SLC4A10: variants seen among roughly 807,000 people sequenced by gnomAD.
SLC4A10 encodes the protein sodium-driven chloride bicarbonate exchanger.
SLC4A10 carries 42 observed loss-of-function variants against 137.7 expected under a neutral mutation model. That is an observed-to-expected ratio of 0.30 (90% CI 0.24 to 0.39). The LOEUF is 0.39. Among genes scored for constraint, SLC4A10 ranks in the 10% least tolerant of loss-of-function variants. The pLI is 1.00. For missense variants in SLC4A10, 925 were observed against 1,355.0 expected (o/e 0.68, Z 4.98); for synonymous variants, 474 against 464.1 (o/e 1.02, Z -0.27).
intron 20 of SLC4A10, 27 bp from the exon 21 acceptor site, chr2:161,958,460 G>A: frequency 6.3e-7 from 1 of 1,579,418 alleles, no homozygotes; most frequent in South Asian, 1.1e-5. Context: ...AATGATTTCT[G>A]CCTTTTCTCC....
chr2:161,739,831 C>G (rs2047704550), intron 1 of SLC4A10, among the ~76,000 whole-genome samples: 1 of 152,198 alleles, frequency 6.6e-6, no homozygotes, highest in South Asian at 2.1e-4. Flanking sequence ...ATTTCATGGA[C>G]TCAGGTGGCC....
intron 5 of SLC4A10, among the ~76,000 whole-genome samples, chr2:161,857,929 C>T (rs2060196825): frequency 6.6e-6 from 1 of 152,092 alleles, no homozygotes; most frequent in African/African-American, 2.4e-5. Flanking sequence ...CCAGGCTGGT[C>T]TTGAACTCCT....
intron 1 of SLC4A10, among the ~76,000 whole-genome samples, chr2:161,740,893 A>G (rs2047811293): frequency 6.6e-6 from 1 of 152,202 alleles, no homozygotes; most frequent in Non-Finnish European, 1.5e-5. Flanking sequence ...ATGTTTTAAT[A>G]TACATAGTGA....
chr2:161,856,701 T>C (rs777085390), intron 5 of SLC4A10, among the ~76,000 whole-genome samples: 34 of 152,148 alleles, frequency 2.2e-4, no homozygotes, highest in Non-Finnish European at 4.0e-4. Context: ...TTTTATATTT[T>C]AATTAGGAAT....
At chr2:161,936,705 T>C (rs1484735496) in intron 15 of SLC4A10, among the ~76,000 whole-genome samples, 3 of 152,156 alleles carry the variant, frequency 2.0e-5, no homozygotes, top group African/African-American at 7.2e-5. Context: ...CATTTGTTGA[T>C]TTTGTTATTA....
chr2:161,706,104 T>C (rs1016116748), intron 1 of SLC4A10, among the ~76,000 whole-genome samples: 3 of 151,532 alleles, frequency 2.0e-5, no homozygotes, highest in African/African-American at 7.3e-5. Context: ...ATTTTTTGGA[T>C]TAAATAGATC....
chr2:161,782,590 T>C (rs2053165561), intron 2 of SLC4A10, among the ~76,000 whole-genome samples: 1 of 151,028 alleles, frequency 6.6e-6, no homozygotes. Context: ...AGATGCTCAC[T>C]GAGGATAAGA....
chr2:161,817,076 A>G (rs1037641102), intron 3 of SLC4A10, among the ~76,000 whole-genome samples: 2 of 152,180 alleles, frequency 1.3e-5, no homozygotes, highest in Non-Finnish European at 1.5e-5. Flanking sequence ...CAATGATTGA[A>G]CTAGTTTACA....
intron 1 of SLC4A10, among the ~76,000 whole-genome samples, chr2:161,639,613 A>G (rs1427838439): frequency 1.3e-5 from 2 of 152,162 alleles, no homozygotes; most frequent in African/African-American, 4.8e-5. Context: ...GTAGAGAAGG[A>G]ACATACCTTA....
In SLC4A10 at chr2:161,751,317, T is replaced by C. The variant is rs1559166938; in HGVS notation, c.49-19656T>C. On this transcript the variant is annotated intron_variant, in intron 1 of 26. Coordinates refer to ENST00000446997, the MANE Select transcript of SLC4A10 (RefSeq NM_001178015.2). ...TTCTGTTTGTCTTGAGGTTCTTTTG[T>C]CCCTTTCTTTTTTAACTGTCTTTGT... Among the ~76,000 whole-genome samples the C allele has an allele frequency of 5.9e-5, 9 of 151,306 alleles. No homozygotes were observed. The South Asian group carries it at 1.9e-3, about 31-fold the overall frequency.
intron 2 of SLC4A10, among the ~76,000 whole-genome samples, chr2:161,784,965 T>C (rs1034653400): frequency 2.0e-5 from 3 of 151,290 alleles, no homozygotes; most frequent in Admixed American, 2.0e-4. Context: ...TTGGGTTTTT[T>C]TTTAAAAGAT....
At chr2:161,690,966 AAAAAG>A (rs1559038867) in intron 1 of SLC4A10, among the ~76,000 whole-genome samples, 1 of 152,140 alleles carries the variant, frequency 6.6e-6, no homozygotes, top group African/African-American at 2.4e-5. Flanking sequence ...TTAAATTAAA[AAAAAG>A]AAATTTGAAA....
intron 1 of SLC4A10, among the ~76,000 whole-genome samples, chr2:161,657,707 T>C (rs1303083007): frequency 1.3e-5 from 2 of 152,030 alleles, no homozygotes; most frequent in Non-Finnish European, 2.9e-5. Context: ...ATTGTTAACA[T>C]AGGGAGAAAA....
intron 1 of SLC4A10, among the ~76,000 whole-genome samples, chr2:161,700,499 T>C (rs2043013736): frequency 1.3e-5 from 2 of 152,160 alleles, no homozygotes; most frequent in Admixed American, 1.3e-4. Context: ...TTATCGACTT[T>C]TTAAATGATC....
chr2:161,642,701 A>G (rs941691838), intron 1 of SLC4A10, among the ~76,000 whole-genome samples: 2 of 151,980 alleles, frequency 1.3e-5, no homozygotes, highest in African/African-American at 2.4e-5. Context: ...TAGGAATTCA[A>G]CTCATTTAGG....
intron 10 of SLC4A10, among the ~76,000 whole-genome samples, chr2:161,891,690 T>A (rs2062940327): frequency 1.3e-5 from 2 of 152,042 alleles, no homozygotes; most frequent in Non-Finnish European, 2.9e-5. Flanking sequence ...TAGTTAGCAA[T>A]TCCTCTAACC....
intron 23 of SLC4A10, among the ~76,000 whole-genome samples, chr2:161,970,332 C>T (rs1698310377): frequency 6.6e-6 from 1 of 152,050 alleles, no homozygotes; most frequent in South Asian, 2.1e-4. Context: ...TGTATTGGCT[C>T]TTCTATCCAT....
At chr2:161,776,850 T>A (rs2125449638) in intron 2 of SLC4A10, among the ~76,000 whole-genome samples, 1 of 143,454 alleles carries the variant, frequency 7.0e-6, no homozygotes, top group African/African-American at 2.7e-5. Flanking sequence ...CCAACACTTA[T>A]TTTCTGGTGT....
At position 161,901,000 on chromosome 2, in the gene SLC4A10, G is replaced by A. The variant is rs1182165860; in HGVS notation, c.1431G>A (p.Gln477=). The change falls in exon 12 of 27, where the codon CAG becomes CAA. Residue 477 remains glutamine, a synonymous_variant. Transcript: ENST00000446997. ...PHGGHSGPEL[Q]RTGRIFGGLI... ...GAGGACATAGTGGACCTGAACTCCAGCGAACTGGAAGGTTAGTGAAAATCA... is the reference window on the plus strand; with the variant it reads ...GAGGACATAGTGGACCTGAACTCCAACGAACTGGAAGGTTAGTGAAAATCA... 29 of 1,563,264 alleles carry A rather than the reference G, an allele frequency of 1.9e-5. No individual in the cohort carries two copies. Among genetic ancestry groups the A allele is most frequent in the Non-Finnish European group, 2.4e-5 (28 of 1,153,032 alleles).
Sources: allele counts gnomAD v4.1 joint callset (sites outside exome capture counted in the v4.1 genomes callset), GRCh38; gene constraint gnomAD v4.1.1; transcripts MANE v1.5; gene names NCBI Gene and HGNC (gene_info 2026-07-23, HGNC 2026-07-21).